The following ANKS1B variants were observed in gnomAD, a reference collection of about 807,000 sequenced individuals.
ANKS1B encodes the protein ankyrin repeat and sterile alpha motif domain containing 1B.
ANKS1B carries 36 observed loss-of-function variants against 148.3 expected under a neutral mutation model. The observed-to-expected ratio is 0.24, with a 90% CI of 0.19 to 0.32. The LOEUF is 0.32. ANKS1B is among the 10% of genes least tolerant of loss of function. The pLI is 1.00. For synonymous variants in ANKS1B, 542 were observed against 560.8 expected, an observed-to-expected ratio of 0.97 and a Z score of 0.47; for missense variants, 1,157 against 1,542.6, an observed-to-expected ratio of 0.75 and a Z score of 4.19.
At chr12:99,381,970 A>G (rs979200459) in intron 12 of ANKS1B, among the ~76,000 whole-genome samples, 2 of 152,236 alleles carry the variant, frequency 1.3e-5, no homozygotes, top group African/African-American at 4.8e-5. Flanking sequence ...TGTTTTACAG[A>G]TACAAATCTA....
At chr12:99,029,569 G>A (rs2099950760) in intron 17 of ANKS1B, among the ~76,000 whole-genome samples, 1 of 152,178 alleles carries the variant, frequency 6.6e-6, no homozygotes, top group Admixed American at 6.5e-5. Flanking sequence ...TAAGCGGTGA[G>A]GAAAGTGAGA....
intron 12 of ANKS1B, among the ~76,000 whole-genome samples, chr12:99,304,618 G>C (rs2082112344): frequency 6.6e-6 from 1 of 151,992 alleles, no homozygotes; most frequent in South Asian, 2.1e-4. Flanking sequence ...GATAAAATGA[G>C]ATATTCTTGG....
rs566020507 is a variant in ANKS1B at position 99,648,562 on chromosome 12, A to G, written c.1272+6505T>C. ...TCCCTTGATGTTTGTGAAAATAACC[A>G]TCCACAACAGCGTAAAAAAACAGCT... On this transcript the variant is annotated intron_variant, in intron 9 of 26. Transcript: ENST00000683438. 302 of 1,614,126 alleles carry G rather than the reference A, an allele frequency of 1.9e-4. 3 individuals carry two copies. In the South Asian group the frequency reaches 3.1e-3, roughly 17 times the overall value.
intron 14 of ANKS1B, among the ~76,000 whole-genome samples, chr12:99,196,779 C>G (rs895045686): frequency 1.6e-4 from 25 of 152,136 alleles, no homozygotes; most frequent in Middle Eastern, 3.4e-3. Flanking sequence ...CTCCCCTCCC[C>G]CAAGCTTTCT....
At position 99,750,922 on chromosome 12, in the gene ANKS1B, T is replaced by G. The variant is rs1032586413; in HGVS notation, c.1128+22000A>C. On this transcript the variant is annotated intron_variant, in intron 8 of 26. Coordinates refer to ENST00000683438, the MANE Select transcript of ANKS1B (RefSeq NM_001352186.2). The stretch of plus-strand genomic sequence containing the variant: ...ATTATATAATTTTTATTTTTTAAAA[T>G]AGCTAGTATTACCTTAACTAATATA... Among the ~76,000 whole-genome samples the G allele has an allele frequency of 3.3e-4, 50 of 152,184 alleles. 1 individual carries two copies. The highest frequency in any genetic ancestry group is 1.4e-3 in the Admixed American group (22 of 15,240).
intron 11 of ANKS1B, among the ~76,000 whole-genome samples, chr12:99,419,540 T>G (rs904172326): frequency 6.6e-6 from 1 of 152,212 alleles, no homozygotes; most frequent in Non-Finnish European, 1.5e-5. Context: ...TATAATGATT[T>G]ACAGAAGATA....
rs189774257 is a variant in ANKS1B, at chr12:99,706,785, G to A, written c.1129-51575C>T. Among the ~76,000 whole-genome samples the A allele has an allele frequency of 2.0e-4, 30 of 152,124 alleles. No individual in the cohort carries two copies. The East Asian group carries it at 5.6e-3, about 28-fold the overall frequency. On this transcript the variant is annotated intron_variant, in intron 8 of 26. Coordinates refer to ENST00000683438, the MANE Select transcript of ANKS1B (RefSeq NM_001352186.2). ...CCATATGGAAAGGCCATGTGGTAAGGAACTAAGGGAGGCTTACAAACTGAG... is the reference window on the plus strand; with the variant it reads ...CCATATGGAAAGGCCATGTGGTAAGAAACTAAGGGAGGCTTACAAACTGAG...
chr12:99,064,833 T>TC (rs2043579685), intron 16 of ANKS1B, among the ~76,000 whole-genome samples: 1 of 152,174 alleles, frequency 6.6e-6, no homozygotes. Context: ...GTTGTACCTC[T>TC]CCCTGAAGCT....
chr12:99,174,903 A>T (rs1262667949), intron 14 of ANKS1B, among the ~76,000 whole-genome samples: 1 of 152,202 alleles, frequency 6.6e-6, no homozygotes, highest in Non-Finnish European at 1.5e-5. Context: ...TCTTGCAAAT[A>T]ATATTTTATT....
chr12:98,915,686 G>C (rs952015347), intron 17 of ANKS1B, among the ~76,000 whole-genome samples: 4 of 152,088 alleles, frequency 2.6e-5, no homozygotes, highest in African/African-American at 7.2e-5. Context: ...GGACCAACCT[G>C]GGTGTGTTAC....
At chr12:99,837,426 G>A (rs1373684416) in intron 1 of ANKS1B, among the ~76,000 whole-genome samples, 1 of 152,100 alleles carries the variant, frequency 6.6e-6, no homozygotes, top group Non-Finnish European at 1.5e-5. Context: ...CGAAATATGA[G>A]ACGTTCAGAC....
intron 14 of ANKS1B, among the ~76,000 whole-genome samples, chr12:99,169,785 A>G (rs1467877067): frequency 1.3e-5 from 2 of 152,220 alleles, no homozygotes; most frequent in African/African-American, 2.4e-5. Flanking sequence ...GGGAATGAAA[A>G]TAAGATACAG....
chr12:98,971,441 G>T (rs2099883034), intron 17 of ANKS1B, among the ~76,000 whole-genome samples: 3 of 152,158 alleles, frequency 2.0e-5, no homozygotes, highest in Admixed American at 6.5e-5. Context: ...ACCTATTAAA[G>T]AATGTTCAAG....
chr12:99,241,046 T>A (rs1005396366), intron 14 of ANKS1B, among the ~76,000 whole-genome samples: 30 of 151,746 alleles, frequency 2.0e-4, no homozygotes, highest in African/African-American at 7.3e-4. Context: ...ATAATTAAGA[T>A]CAGAGCAGAA....
intron 14 of ANKS1B, among the ~76,000 whole-genome samples, chr12:99,213,594 G>C (rs537772095): frequency 6.6e-6 from 1 of 152,336 alleles, no homozygotes; most frequent in African/African-American, 2.4e-5. Flanking sequence ...TGTATATGGA[G>C]AGCGGGAAAG....
intron 1 of ANKS1B, among the ~76,000 whole-genome samples, chr12:99,929,005 C>G (rs1050044403): frequency 1.3e-5 from 2 of 152,120 alleles, no homozygotes; most frequent in Admixed American, 6.5e-5. Flanking sequence ...GAATCATGCT[C>G]ACAGATTGGA....
At chr12:99,029,214 C>T (rs2099950555) in intron 17 of ANKS1B, among the ~76,000 whole-genome samples, 1 of 152,090 alleles carries the variant, frequency 6.6e-6, no homozygotes, top group South Asian at 2.1e-4. Context: ...ATACTGATTC[C>T]AGCTGCTTCT....
At chr12:99,596,568 G>A (rs1202484691) in intron 9 of ANKS1B, among the ~76,000 whole-genome samples, 1 of 151,822 alleles carries the variant, frequency 6.6e-6, no homozygotes, top group East Asian at 1.9e-4. Context: ...GTAGGTTTAT[G>A]CTTATTTCAT....
At chr12:99,399,953 C>T in intron 11 of ANKS1B, 142 bp from the exon 12 acceptor site, 1 of 695,192 alleles carries the variant, frequency 1.4e-6, no homozygotes, top group Non-Finnish European at 2.4e-6. Flanking sequence ...TTGTGCTTTA[C>T]AGAGATACAT....
Sources: gnomAD v4.1 joint callset for allele counts (sites outside exome capture counted in the v4.1 genomes callset) on GRCh38, gnomAD v4.1.1 for gene constraint, MANE v1.5 for transcripts, NCBI Gene and HGNC (gene_info 2026-07-23, HGNC 2026-07-21) for gene names.